The following F8 variants were observed in gnomAD, a reference collection of about 807,000 sequenced individuals.
F8 encodes antihemophilic factor.
A neutral mutation model predicts 140.6 loss-of-function variants in F8; 12 were observed. That is an observed-to-expected ratio of 0.09 (90% CI 0.05 to 0.14). F8 has a LOEUF of 0.14. Ranked by LOEUF, F8 falls within the 10% of genes least tolerant of loss-of-function variation. The pLI is 1.00. For synonymous variants in F8, 585 were observed against 614.6 expected (o/e 0.95, Z 0.71); for missense variants, 1,354 against 1,720.7 (o/e 0.79, Z 3.77).
chrX:154,957,330 A>T (rs2124094845), intron 10 of F8, among the ~76,000 whole-genome samples, 159 bp from the exon 11 acceptor site: 1 of 112,166 alleles, frequency 8.9e-6, no homozygotes, highest in East Asian at 2.8e-4. Context: ...TTTAAGATTC[A>T]AACAATTTTT....
intron 21 of F8, among the ~76,000 whole-genome samples, chrX:154,896,509 ACAC>A (rs2072980946): frequency 2.6e-5 from 1 of 38,182 alleles, no homozygotes; most frequent in South Asian, 9.1e-4. Flanking sequence ...CATTTCGTAC[ACAC>A]ACACACACAC....
chrX:154,972,582 A>C (rs1483196718), intron 6 of F8, among the ~76,000 whole-genome samples: 1 of 111,037 alleles, frequency 9.0e-6, no homozygotes, highest in Admixed American at 9.6e-5. Flanking sequence ...GGTCTTGTCT[A>C]ACAAATTCTT....
intron 25 of F8, among the ~76,000 whole-genome samples, chrX:154,838,494 G>T (rs1000075153): frequency 8.9e-6 from 1 of 111,984 alleles, no homozygotes; most frequent in Non-Finnish European, 1.9e-5. Flanking sequence ...TGGAGAAAAA[G>T]GAACAGAATG....
intron 6 of F8, among the ~76,000 whole-genome samples, chrX:154,980,150 C>T (rs1347351310): frequency 9.0e-6 from 1 of 111,175 alleles, no homozygotes; most frequent in Non-Finnish European, 1.9e-5. Flanking sequence ...TATCTACTTG[C>T]TACTTTGGTT....
chrX:154,893,020 C>T lies in F8; in HGVS notation c.6429+3057G>A, dbSNP rs73247666. Among the ~76,000 whole-genome samples, 303 of 112,047 alleles carry T rather than the reference C, an allele frequency of 2.7e-3. 1 individual carries two copies. Among genetic ancestry groups the T allele is most frequent in the Non-Finnish European group, 5.0e-3 (265 of 53,198 alleles). ...TGGAGGCTTCATCTGCATGACAGAA[C>T]CTTGGTCTTCACAACCCCTTATCTT... On this transcript the variant is annotated intron_variant, in intron 22 of 25. Transcript: ENST00000360256.
intron 6 of F8, among the ~76,000 whole-genome samples, chrX:154,978,008 A>G (rs1044780844): frequency 8.2e-5 from 9 of 109,254 alleles, no homozygotes; most frequent in Non-Finnish European, 1.7e-4. Flanking sequence ...TCTGTATTTC[A>G]GTTCTGATAC....
chrX:154,958,145 T>C (rs190639729), intron 10 of F8, among the ~76,000 whole-genome samples: 25 of 111,242 alleles, frequency 2.2e-4, no homozygotes, highest in Admixed American at 2.9e-4. Context: ...AGAGTTACCA[T>C]GGGGACCTCA....
At position 154,836,315 on chromosome X, in the gene F8, C is replaced by G. The variant is rs2072474447; in HGVS notation, c.*1282G>C. 9.0e-6 allele frequency: 1 copy of G among 111,167 alleles called. No homozygotes were observed. Among genetic ancestry groups the G allele is most frequent in the South Asian group, 3.8e-4 (1 of 2,647 alleles). The allele number at this position is 111,167 out of a possible 1,213,427, so 9.2% of individuals were successfully genotyped here. Reference sequence around the variant, plus strand: ...TATAACTTATCCTTGTCTCCAGCCCCCTTTACTATCAGGAGATTCTGTGTA... The same window carrying G: ...TATAACTTATCCTTGTCTCCAGCCCGCTTTACTATCAGGAGATTCTGTGTA... On this transcript the variant is annotated 3_prime_UTR_variant, in exon 26 of 26. Transcript: ENST00000360256.
At position 154,957,098 on chromosome X, in the gene F8, T is replaced by C; in HGVS notation, c.1611A>G (p.Glu537=). The change falls in exon 11 of 26, where the codon GAA becomes GAG. Residue 537 remains glutamate (E), a synonymous_variant. Coordinates refer to ENST00000360256, the MANE Select transcript of F8 (RefSeq NM_000132.4). Reference sequence around the variant, plus strand: ...GAGGATCTGATTTAGTTGGCCCATCTTCTACAGTCACTGTCCATTTATATT... The same window carrying C: ...GAGGATCTGATTTAGTTGGCCCATCCTCTACAGTCACTGTCCATTTATATT... The part of the protein sequence containing the change: ...IFKYKWTVTV[E]DGPTKSDPRC... The C allele has an allele frequency of 1.7e-6, 2 of 1,211,427 alleles. No individual in the cohort carries two copies. The highest frequency in any genetic ancestry group is 3.5e-5 in the South Asian group (2 of 57,003).
At chrX:154,870,416 C>T (rs1253304706) in intron 22 of F8, among the ~76,000 whole-genome samples, 1 of 111,910 alleles carries the variant, frequency 8.9e-6, no homozygotes. Context: ...AAACATAATC[C>T]ATCACATAAA....
At chrX:154,979,422 G>A (rs1557283308) in intron 6 of F8, among the ~76,000 whole-genome samples, 1 of 111,300 alleles carries the variant, frequency 9.0e-6, no homozygotes, top group Non-Finnish European at 1.9e-5. Flanking sequence ...GCTGGGCTAC[G>A]TGAACCTGCC....
At chrX:154,921,735 T>C (rs782384751) in intron 14 of F8, among the ~76,000 whole-genome samples, 1 of 111,149 alleles carries the variant, frequency 9.0e-6, no homozygotes, top group East Asian at 2.8e-4. Context: ...TGTAGGGACA[T>C]GGATGAAGCT....
chrX:154,964,766 A>G (rs1318194278), intron 9 of F8, among the ~76,000 whole-genome samples: 1 of 111,301 alleles, frequency 9.0e-6, no homozygotes, highest in Non-Finnish European at 1.9e-5. Flanking sequence ...GGTGGCAAAG[A>G]CATTCTCAGG....
intron 25 of F8, among the ~76,000 whole-genome samples, chrX:154,848,294 C>T (rs957334956): frequency 1.2e-4 from 13 of 112,385 alleles, no homozygotes; most frequent in South Asian, 7.3e-4. Flanking sequence ...GCTGGGAGAA[C>T]CACTACTCTC....
intron 24 of F8, among the ~76,000 whole-genome samples, chrX:154,861,061 C>T (rs2072687249): frequency 1.8e-5 from 2 of 110,390 alleles, no homozygotes; most frequent in South Asian, 7.9e-4. Flanking sequence ...CTCTCTCTCT[C>T]TCTCTGCCTC....
intron 13 of F8, among the ~76,000 whole-genome samples, chrX:154,944,032 A>C (rs782204294): frequency 8.9e-6 from 1 of 112,114 alleles, no homozygotes; most frequent in East Asian, 2.8e-4. Flanking sequence ...GATGGATTAA[A>C]GACTTAAACG....
At chrX:154,862,302 A>T (rs782451115) in intron 23 of F8, among the ~76,000 whole-genome samples, 1 of 112,060 alleles carries the variant, frequency 8.9e-6, no homozygotes, top group South Asian at 3.8e-4. Context: ...CTGGGATTAC[A>T]GGTGTGAGCC....
At chrX:154,888,314 C>T (rs1229825082) in intron 22 of F8, among the ~76,000 whole-genome samples, 2 of 73,244 alleles carry the variant, frequency 2.7e-5, no homozygotes, top group East Asian at 8.0e-4. Flanking sequence ...TTGGAATTCA[C>T]GGTTCTGGTT....
chrX:155,021,356 C>T (rs1214627672), intron 1 of F8, among the ~76,000 whole-genome samples: 1 of 111,317 alleles, frequency 9.0e-6, no homozygotes, highest in African/African-American at 3.3e-5. Flanking sequence ...GTATGTACAA[C>T]ATGACCACAT....
Sources: gnomAD v4.1 joint callset for allele counts (sites outside exome capture counted in the v4.1 genomes callset) on GRCh38, gnomAD v4.1.1 for gene constraint, MANE v1.5 for transcripts, NCBI Gene and HGNC (gene_info 2026-07-23, HGNC 2026-07-21) for gene names.